Variants in EFCAB5 observed in about 807,000 individuals in gnomAD.
The protein encoded by EFCAB5 is EF-hand calcium binding domain 5.
EFCAB5 carries 131 observed loss-of-function variants against 167.9 expected under a neutral mutation model. That is an observed-to-expected ratio of 0.78 (90% CI 0.68 to 0.90). The LOEUF (loss-of-function observed/expected upper bound fraction) is 0.90, where lower values mean the gene tolerates loss of function less well. EFCAB5 is among the 40% of genes least tolerant of loss of function. The pLI is 0.00. For missense variants in EFCAB5, 1,663 were observed against 1,745.2 expected, an observed-to-expected ratio of 0.95 and a Z score of 0.84; for synonymous variants, 574 against 602.8, an observed-to-expected ratio of 0.95 and a Z score of 0.70.
intron 7 of EFCAB5, among the ~76,000 whole-genome samples, chr17:30,009,810 T>G (rs2068853271): frequency 6.6e-6 from 1 of 152,128 alleles, no homozygotes; most frequent in African/African-American, 2.4e-5. Context: ...GATTGTTTTC[T>G]TTTCTTTTTT....
At chr17:30,102,267 GAGA>G (rs1162006010) in intron 22 of EFCAB5, among the ~76,000 whole-genome samples, 2 of 152,330 alleles carry the variant, frequency 1.3e-5, no homozygotes, top group East Asian at 1.9e-4. Context: ...GTGAAGATGG[GAGA>G]AGAAGTTGTT....
chr17:29,972,502 T>A (rs556646386), intron 4 of EFCAB5: 1 of 152,256 alleles, frequency 6.6e-6, no homozygotes. Context: ...TGACCAGACA[T>A]CACCTGCAGC....
intron 18 of EFCAB5, among the ~76,000 whole-genome samples, chr17:30,083,629 T>C (rs1016198287): frequency 5.3e-5 from 8 of 152,200 alleles, no homozygotes; most frequent in Non-Finnish European, 1.0e-4. Context: ...TAATTTTGTA[T>C]TTTTAGTAGA....
chr17:30,084,399 C>T (rs909885436), intron 18 of EFCAB5, among the ~76,000 whole-genome samples: 1 of 152,174 alleles, frequency 6.6e-6, no homozygotes, highest in African/African-American at 2.4e-5. Context: ...CATAGGGCAC[C>T]ATGGAAAAGC....
intron 6 of EFCAB5, among the ~76,000 whole-genome samples, chr17:29,998,155 A>G (rs367898199): frequency 6.6e-6 from 1 of 152,122 alleles, no homozygotes; most frequent in East Asian, 1.9e-4. Flanking sequence ...GGCCTTACTG[A>G]TAACCTTTTG....
intron 8 of EFCAB5, among the ~76,000 whole-genome samples, chr17:30,035,624 A>G (rs1249493993): frequency 6.6e-6 from 1 of 152,224 alleles, no homozygotes; most frequent in Admixed American, 6.5e-5. Flanking sequence ...TGGACAAAGA[A>G]CAGTAAACCG....
At chr17:30,055,312 G>GA (rs1479260711) in intron 10 of EFCAB5, among the ~76,000 whole-genome samples, 52 of 127,664 alleles carry the variant, frequency 4.1e-4, no homozygotes, top group South Asian at 1.1e-3. Flanking sequence ...AAAGAAAGAA[G>GA]AGAGAGAGAG....
intron 7 of EFCAB5, among the ~76,000 whole-genome samples, chr17:30,002,566 C>T (rs2068684862): frequency 6.6e-6 from 1 of 152,206 alleles, no homozygotes; most frequent in African/African-American, 2.4e-5. Context: ...ACATCAGGCA[C>T]TGTTACACTT....
In EFCAB5 at chr17:30,053,803, G is replaced by A. The variant is rs768226016; in HGVS notation, c.1849G>A (p.Asp617Asn). Residue 617 changes from aspartate (D) to asparagine (N), a missense_variant, in exon 10 of 23, where the codon GAT (aspartate) becomes AAT (asparagine). By Grantham distance (23) the Asp-to-Asn change is conservative (BLOSUM62 1). Transcript: ENST00000394835. ...ACGCAGAGAGTCTATTGCAGAACAA[G>A]ATCGACACAAAGGGTCAGTAGCAGA... ...GSRRESIAEQ[D>N]RHKGSVAEQG... The A allele has an allele frequency of 6.2e-7, 1 of 1,613,972 alleles. No individual in the cohort carries two copies.
chr17:30,003,591 A>AAG (rs1358138976), intron 7 of EFCAB5, among the ~76,000 whole-genome samples: 1 of 151,572 alleles, frequency 6.6e-6, no homozygotes, highest in African/African-American at 2.4e-5. Context: ...AAAAAAAAAA[A>AAG]AGAGATGTGA....
intron 14 of EFCAB5, among the ~76,000 whole-genome samples, chr17:30,062,286 C>G (rs150237003): frequency 6.8e-4 from 104 of 152,220 alleles, no homozygotes; most frequent in Middle Eastern, 3.4e-3. Context: ...TAGCAGAAAT[C>G]CTGGTGAGCC....
intron 19 of EFCAB5, among the ~76,000 whole-genome samples, chr17:30,089,007 T>G (rs1288307921): frequency 2.0e-5 from 3 of 152,122 alleles, no homozygotes; most frequent in African/African-American, 7.2e-5. Context: ...TTGTTACATA[T>G]GTATACATGT....
chr17:30,007,378 G>A (rs922357575), intron 7 of EFCAB5, among the ~76,000 whole-genome samples: 3 of 152,236 alleles, frequency 2.0e-5, no homozygotes, highest in African/African-American at 4.8e-5. Context: ...AAGATAAATC[G>A]AGTATGACTT....
At chr17:29,954,244 G>A (rs1307273353) in intron 3 of EFCAB5, among the ~76,000 whole-genome samples, 1 of 152,212 alleles carries the variant, frequency 6.6e-6, no homozygotes, top group African/African-American at 2.4e-5. Flanking sequence ...CAAGACATGT[G>A]TAGAAAATGT....
chr17:30,072,281 C>T (rs1396514641), intron 14 of EFCAB5, among the ~76,000 whole-genome samples: 2 of 151,992 alleles, frequency 1.3e-5, no homozygotes, highest in Non-Finnish European at 2.9e-5. Context: ...GACAAGTATG[C>T]ATCAATTAAA....
chr17:29,997,012 G>A (rs1369604206), intron 6 of EFCAB5, among the ~76,000 whole-genome samples: 2 of 152,128 alleles, frequency 1.3e-5, no homozygotes, highest in South Asian at 2.1e-4. Flanking sequence ...TTGGGAGCCC[G>A]AGATGGGCGG....
intron 14 of EFCAB5, among the ~76,000 whole-genome samples, chr17:30,075,559 C>T (rs920077166): frequency 6.6e-6 from 1 of 152,194 alleles, no homozygotes; most frequent in African/African-American, 2.4e-5. Flanking sequence ...ATGCCCTCCT[C>T]ACCCTGCTCA....
chr17:30,040,916 T>C (rs948832180), intron 8 of EFCAB5, among the ~76,000 whole-genome samples: 3 of 152,226 alleles, frequency 2.0e-5, no homozygotes, highest in Non-Finnish European at 4.4e-5. Flanking sequence ...AAACCTTTCG[T>C]AAGCAACTTC....
chr17:30,060,151 C>T (rs973052766), intron 14 of EFCAB5, among the ~76,000 whole-genome samples: 2 of 152,096 alleles, frequency 1.3e-5, no homozygotes, highest in African/African-American at 4.8e-5. Flanking sequence ...TACCTGGCTA[C>T]TCTCACTATG....
Sources: allele counts gnomAD v4.1 joint callset (sites outside exome capture counted in the v4.1 genomes callset), GRCh38; gene constraint gnomAD v4.1.1; transcripts MANE v1.5; gene names NCBI Gene and HGNC (gene_info 2026-07-23, HGNC 2026-07-21).